The following DOCK5 variants were observed in gnomAD, a reference collection of about 807,000 sequenced individuals.
DOCK5 encodes dedicator of cytokinesis protein 5.
A neutral mutation model predicts 251.8 loss-of-function variants in DOCK5; 142 were observed. The observed-to-expected ratio is 0.56, with a 90% confidence interval of 0.49 to 0.65. The LOEUF is 0.65. Among genes scored for constraint, DOCK5 ranks in the 30% least tolerant of loss-of-function variants. The pLI, the probability that DOCK5 is intolerant of heterozygous loss-of-function variation, is 0.00. For missense variants in DOCK5, 2,111 were observed against 2,312.3 expected (o/e 0.91, Z 1.79); for synonymous variants, 842 against 835.5 (o/e 1.01, Z -0.13).
chr8:25,221,454 G>A (rs113512397), intron 1 of DOCK5, among the ~76,000 whole-genome samples: 13,745 of 152,058 alleles, frequency 0.09, 1,725 homozygotes, highest in African/African-American at 0.29. Context: ...GATTACAGGC[G>A]CCCGCCACCA....
chr8:25,345,367 G>C (rs867709950), intron 25 of DOCK5, 108 bp from the exon 26 acceptor site: 1 of 1,494,956 alleles, frequency 6.7e-7, no homozygotes, highest in Middle Eastern at 1.8e-4. Context: ...AGGGCTGATT[G>C]CAGAGCTTAG....
At chr8:25,199,830 A>AGGTGCT (rs10550262) in intron 1 of DOCK5, among the ~76,000 whole-genome samples, 92 of 152,052 alleles carry the variant, frequency 6.1e-4, no homozygotes, top group African/African-American at 2.1e-3. Flanking sequence ...GTGGAACCAG[A>AGGTGCT]GGTGCTGGTG....
chr8:25,363,064 T>G lies in DOCK5; in HGVS notation c.2967T>G (p.Thr989=), dbSNP rs903653815. ...RQDIIDFLME[T]FIMFKDLIGK... ...CTCCGCAGGACTTCCTCATGGAAAC[T>G]TTTATCATGTTCAAGGACCTGATTG... The change falls in exon 29 of 52, where the codon ACT becomes ACG. Residue 989 remains threonine (T), a synonymous_variant. Transcript: ENST00000276440. 8.1e-6 allele frequency: 13 copies of G among 1,613,846 alleles called. No homozygotes were observed. In the East Asian group the frequency reaches 2.9e-4, roughly 36 times the overall value.
intron 2 of DOCK5, among the ~76,000 whole-genome samples, chr8:25,245,161 A>G (rs553256933): frequency 6.6e-6 from 1 of 152,192 alleles, no homozygotes; most frequent in South Asian, 2.1e-4. Context: ...GGTTCATGCC[A>G]TTCTCCTGCC....
chr8:25,312,761 C>CAAA (rs3085652), intron 13 of DOCK5, among the ~76,000 whole-genome samples: 1,167 of 113,554 alleles, frequency 0.01, 31 homozygotes, highest in African/African-American at 0.029. Flanking sequence ...GACTCCGTCT[C>CAAA]AAAAAAAAAA....
rs141117965 is a variant in DOCK5 at position 25,187,669 on chromosome 8, G to A, written c.43+2718G>A. On this transcript the variant is annotated intron_variant, in intron 1 of 51. Transcript: ENST00000276440. ...ATAAAGTCTGAGCCTCCGTTCCAAG[G>A]TTCCTATAATCTGGTTCAGCCTATC... 2.7e-3 allele frequency among the ~76,000 whole-genome samples: 416 copies of A among 151,980 alleles called. 2 individuals carry two copies. Among genetic ancestry groups the A allele is most frequent in the African/African-American group, 9.4e-3 (388 of 41,420 alleles).
chr8:25,189,439 C>T, intron 1 of DOCK5, among the ~76,000 whole-genome samples: 1 of 152,062 alleles, frequency 6.6e-6, no homozygotes, highest in African/African-American at 2.4e-5. Flanking sequence ...TGGCTCACTG[C>T]TGCCTCAACT....
At chr8:25,312,027 T>C (rs571260240) in intron 13 of DOCK5, among the ~76,000 whole-genome samples, 24 of 152,284 alleles carry the variant, frequency 1.6e-4, no homozygotes, top group African/African-American at 5.8e-4. Context: ...ATTGTCTACA[T>C]GTAGTGGGTC....
chr8:25,275,419 G>A lies in DOCK5; in HGVS notation c.202G>A (p.Glu68Lys), dbSNP rs776665822. ...CCCTGAAACATATATCCATTTGAAA[G>A]AGGCAACTGTGGAAGACCTGGGGTA... The part of the protein sequence containing the change: ...IFPETYIHLK[E>K]ATVEDLGQHE... Residue 68 changes from glutamate to lysine, a missense_variant, in exon 4 of 52, where the codon GAG (glutamate) becomes AAG (lysine). By Grantham distance (56) the Glu-to-Lys change is moderately conservative. Transcript: ENST00000276440. 4.3e-6 allele frequency: 7 copies of A among 1,610,536 alleles called. No individual in the cohort carries two copies. Among genetic ancestry groups the A allele is most frequent in the Middle Eastern group, 1.7e-4 (1 of 6,058 alleles).
At chr8:25,360,072 C>T (rs1352454102) in intron 28 of DOCK5, among the ~76,000 whole-genome samples, 1 of 152,156 alleles carries the variant, frequency 6.6e-6, no homozygotes, top group Non-Finnish European at 1.5e-5. Flanking sequence ...GGATAACTTC[C>T]CATCATCTGT....
chr8:25,412,089 T>TTC lies in DOCK5; in HGVS notation c.*792_*793insCT, dbSNP rs1801641546. 6.8e-6 allele frequency: 1 copy of TTC among 146,352 alleles called. No individual in the cohort carries two copies. 9.1% of individuals were successfully genotyped at this position (146,352 alleles called of 1,614,324 possible). A position where few individuals can be genotyped will look rare whatever the true frequency, so the allele number is the denominator to read the frequency against. ...TTTTGCACATACGGCTTTTTTTTTT[T>TTC]TTTTTTTTTTTTGTCCTATTACCTC... On this transcript the variant is annotated 3_prime_UTR_variant, in exon 52 of 52. Coordinates refer to ENST00000276440, the MANE Select transcript of DOCK5 (RefSeq NM_024940.8).
At chr8:25,254,781 AACAAAACAAAAC>A (rs1273158964) in intron 2 of DOCK5, among the ~76,000 whole-genome samples, 1,907 of 124,416 alleles carry the variant, frequency 0.015, 534 homozygotes, top group African/African-American at 0.052. Flanking sequence ...CTCAAAAAAA[AACAAAACAAAAC>A]AAAAAAAAAA....
At chr8:25,287,819 A>C (rs1256667965) in intron 5 of DOCK5, among the ~76,000 whole-genome samples, 1 of 152,052 alleles carries the variant, frequency 6.6e-6, no homozygotes, top group African/African-American at 2.4e-5. Flanking sequence ...GGATTCAGGA[A>C]AGAAAGAGCT....
intron 1 of DOCK5, among the ~76,000 whole-genome samples, chr8:25,197,078 C>T (rs1331306933): frequency 1.3e-5 from 2 of 152,062 alleles, no homozygotes; most frequent in East Asian, 1.9e-4. Context: ...TTTTCCCCTT[C>T]CTCAAACAGG....
chr8:25,369,098 A>T lies in DOCK5; in HGVS notation c.3438+373A>T, dbSNP rs543364377. On this transcript the variant is annotated intron_variant, in intron 33 of 51. Coordinates refer to ENST00000276440, the MANE Select transcript of DOCK5 (RefSeq NM_024940.8). Reference sequence around the variant, plus strand: ...AGTGCAATGGATTAAGTTCTAATCCATTACTCTGTAGCTTTGAGAATGTCA... The same window carrying T: ...AGTGCAATGGATTAAGTTCTAATCCTTTACTCTGTAGCTTTGAGAATGTCA... Among the ~76,000 whole-genome samples the T allele has an allele frequency of 5.9e-5, 9 of 152,340 alleles. No homozygotes were observed. The East Asian group carries it at 1.4e-3, about 23-fold the overall frequency.
At chr8:25,331,560 C>T (rs1298265832) in intron 18 of DOCK5, among the ~76,000 whole-genome samples, 1 of 152,022 alleles carries the variant, frequency 6.6e-6, no homozygotes, top group African/African-American at 2.4e-5. Context: ...TTTGAAATAG[C>T]CACCTGTCTG....
At chr8:25,227,284 A>G (rs1203500259) in intron 1 of DOCK5, among the ~76,000 whole-genome samples, 1 of 152,138 alleles carries the variant, frequency 6.6e-6, no homozygotes, top group African/African-American at 2.4e-5. Flanking sequence ...TGATCTTTCA[A>G]ACATATAGTT....
In DOCK5 at chr8:25,395,228, C is replaced by T. The variant is rs141632287; in HGVS notation, c.4528-315C>T. Among the ~76,000 whole-genome samples the T allele has an allele frequency of 2.4e-3, 367 of 152,190 alleles. 3 individuals are homozygous for T. In the South Asian group the frequency reaches 0.029, roughly 12 times the overall value. On this transcript the variant is annotated intron_variant, in intron 44 of 51. Coordinates refer to ENST00000276440, the MANE Select transcript of DOCK5 (RefSeq NM_024940.8). ...TTTGCACTCCTATGAAAATCTGATA[C>T]CACCACTGATCTGACAGCAGGCAGA...
chr8:25,386,856 G>T (rs953888078), intron 40 of DOCK5, among the ~76,000 whole-genome samples: 2 of 152,150 alleles, frequency 1.3e-5, no homozygotes, highest in Non-Finnish European at 2.9e-5. Flanking sequence ...GTGAAATCAC[G>T]TAATCACTGA....
Sources: allele counts gnomAD v4.1 joint callset (sites outside exome capture counted in the v4.1 genomes callset), GRCh38; gene constraint gnomAD v4.1.1; transcripts MANE v1.5; gene names NCBI Gene and HGNC (gene_info 2026-07-23, HGNC 2026-07-21).